The following SPATA18 variants were observed in gnomAD, a reference collection of about 807,000 sequenced individuals.
SPATA18 encodes spermatogenesis associated 18.
SPATA18 carries 54 observed loss-of-function variants against 68.1 expected under a neutral mutation model. The ratio of observed to expected loss-of-function variants is 0.79; its 90% CI spans 0.64 to 0.99. The LOEUF (loss-of-function observed/expected upper bound fraction) is 0.99, where lower values mean the gene tolerates loss of function less well. Among genes scored for constraint, SPATA18 ranks in the 50% least tolerant of loss-of-function variants. The pLI, the probability that SPATA18 is intolerant of heterozygous loss-of-function variation, is 0.00. For synonymous variants in SPATA18, 242 were observed against 244.8 expected, an observed-to-expected ratio of 0.99 and a Z score of 0.11; for missense variants, 724 against 681.1, an observed-to-expected ratio of 1.06 and a Z score of -0.70.
intron 11 of SPATA18, among the ~76,000 whole-genome samples, chr4:52,088,541 A>G (rs1409736572): frequency 2.0e-5 from 3 of 152,236 alleles, no homozygotes; most frequent in African/African-American, 7.2e-5. Flanking sequence ...TAAGATAATC[A>G]TGTGGTTTTT....
At chr4:52,088,538 A>G (rs1455896407) in intron 11 of SPATA18, among the ~76,000 whole-genome samples, 2 of 152,182 alleles carry the variant, frequency 1.3e-5, no homozygotes, top group Admixed American at 1.3e-4. Context: ...TATTAAGATA[A>G]TCATGTGGTT....
intron 10 of SPATA18, chr4:52,082,767 C>A: frequency 7.7e-7 from 1 of 1,298,980 alleles, no homozygotes; most frequent in Non-Finnish European, 9.8e-7. Flanking sequence ...TTTACCTCCT[C>A]CATCTTAGAA....
At position 52,083,257 on chromosome 4, in the gene SPATA18, C is replaced by A. The variant is rs1005042145; in HGVS notation, c.1479+747C>A. ...AAAGAGTTAAATGAAGCCCCTTAGT[C>A]CAGGATGATGCCCACAGCTGGCTGA... On this transcript the variant is annotated intron_variant, in intron 10 of 12. Coordinates refer to ENST00000295213, the MANE Select transcript of SPATA18 (RefSeq NM_145263.4). The A allele has an allele frequency of 1.5e-5, 15 of 985,212 alleles. No homozygotes were observed. In the African/African-American group the frequency reaches 2.4e-4, roughly 16 times the overall value. The allele number at this position is 985,212 out of a possible 1,614,324, so 61.0% of individuals were successfully genotyped here.
At position 52,094,979 on chromosome 4, in the gene SPATA18, C is replaced by T; in HGVS notation, c.*92C>T. The T allele has an allele frequency of 6.7e-7, 1 of 1,490,590 alleles. No homozygotes were observed. The highest frequency in any genetic ancestry group is 9.4e-7 in the Non-Finnish European group (1 of 1,068,292). 92.3% of individuals were successfully genotyped at this position (1,490,590 alleles called of 1,614,324 possible). ...TCTTCTGTGTCTGCCTCAGACCTCA[C>T]TTAAGATAATGTCAAAAGGCAATTC... On this transcript the variant is annotated 3_prime_UTR_variant, in exon 13 of 13. Transcript: ENST00000295213.
At chr4:52,060,360 C>A (rs1738722567) in intron 1 of SPATA18, 59 bp from the exon 2 acceptor site, 2 of 1,435,544 alleles carry the variant, frequency 1.4e-6, no homozygotes, top group South Asian at 2.5e-5. Flanking sequence ...CCTGGTCTGT[C>A]TGCAGTGGGT....
intron 2 of SPATA18, 98 bp downstream of exon 2, chr4:52,060,622 C>A: frequency 7.8e-7 from 1 of 1,277,212 alleles, no homozygotes; most frequent in Non-Finnish European, 1.1e-6. Flanking sequence ...GGTTGGGTTT[C>A]TCTCACTGAC....
At chr4:52,066,146 T>TTTTTTG (rs899320008) in intron 4 of SPATA18, among the ~76,000 whole-genome samples, 4 of 152,252 alleles carry the variant, frequency 2.6e-5, no homozygotes, top group African/African-American at 9.6e-5. Flanking sequence ...GTCATCCTTC[T>TTTTTTG]TTTTTGTTTT....
At chr4:52,085,141 A>AT in intron 11 of SPATA18, 142 bp downstream of exon 11, 1 of 593,508 alleles carries the variant, frequency 1.7e-6, no homozygotes, top group East Asian at 2.8e-5. Flanking sequence ...CTCCAAATTG[A>AT]TTTTTATACT....
At chr4:52,073,679 G>GAGGAACTC (rs1740069251) in intron 6 of SPATA18, among the ~76,000 whole-genome samples, 1 of 152,206 alleles carries the variant, frequency 6.6e-6, no homozygotes, top group Admixed American at 6.5e-5. Flanking sequence ...GCTGAGGCAG[G>GAGGAACTC]AGGAACTCTT....
At chr4:52,060,306 A>G (rs1738714726) in intron 1 of SPATA18, 113 bp from the exon 2 acceptor site, 13 of 757,700 alleles carry the variant, frequency 1.7e-5, no homozygotes, top group Non-Finnish European at 2.6e-5. Flanking sequence ...CAGTCCTGCC[A>G]CAAAAGCATA....
intron 10 of SPATA18, chr4:52,082,725 C>A (rs2109503665): frequency 7.2e-7 from 1 of 1,392,832 alleles, no homozygotes; most frequent in Admixed American, 2.8e-5. Flanking sequence ...TTCTTTACTT[C>A]TTGCTTTATT....
intron 11 of SPATA18, among the ~76,000 whole-genome samples, chr4:52,086,243 G>A (rs1741423723): frequency 6.6e-6 from 1 of 152,134 alleles, no homozygotes; most frequent in Non-Finnish European, 1.5e-5. Flanking sequence ...TGCAGTTGAT[G>A]AAACCCAGCT....
intron 4 of SPATA18, among the ~76,000 whole-genome samples, chr4:52,066,324 GT>G (rs1739309918): frequency 6.6e-6 from 1 of 151,854 alleles, no homozygotes; most frequent in African/African-American, 2.4e-5. Flanking sequence ...CTAATTTTTT[GT>G]ATTTTTAGTA....
intron 4 of SPATA18, among the ~76,000 whole-genome samples, chr4:52,067,441 C>G (rs973999942): frequency 5.3e-5 from 8 of 152,146 alleles, no homozygotes; most frequent in African/African-American, 1.9e-4. Context: ...CATAACACCC[C>G]TCCTGATCTG....
chr4:52,084,250 A>T (rs996632299), intron 10 of SPATA18, among the ~76,000 whole-genome samples: 1 of 152,166 alleles, frequency 6.6e-6, no homozygotes, highest in Non-Finnish European at 1.5e-5. Context: ...TCAAATAGCC[A>T]TTGCCTTTTA....
At chr4:52,094,859 A>C in intron 12 of SPATA18, 21 bp from the exon 13 acceptor site, 22 of 1,613,900 alleles carry the variant, frequency 1.4e-5, no homozygotes, top group Non-Finnish European at 1.9e-5. Flanking sequence ...ATAATAATGA[A>C]CTGTCTATTT....
intron 4 of SPATA18, among the ~76,000 whole-genome samples, chr4:52,066,158 G>GT (rs746115044): frequency 6.6e-5 from 10 of 151,782 alleles, no homozygotes; most frequent in Non-Finnish European, 1.3e-4. Flanking sequence ...TTTTGTTTTT[G>GT]TTTTTGTTTT....
chr4:52,076,742 C>T (rs747976250), intron 6 of SPATA18, 37 bp from the exon 7 acceptor site: 1 of 1,603,074 alleles, frequency 6.2e-7, no homozygotes, highest in Non-Finnish European at 8.5e-7. Context: ...AGAAGCAAAT[C>T]AAAGGATTTC....
intron 4 of SPATA18, among the ~76,000 whole-genome samples, chr4:52,067,735 GAA>G (rs1480888220): frequency 6.6e-6 from 1 of 152,126 alleles, no homozygotes; most frequent in Non-Finnish European, 1.5e-5. Context: ...GCACTTATGA[GAA>G]AAGTTAGAGA....
Sources: allele counts gnomAD v4.1 joint callset (sites outside exome capture counted in the v4.1 genomes callset), GRCh38; gene constraint gnomAD v4.1.1; transcripts MANE v1.5; gene names NCBI Gene and HGNC (gene_info 2026-07-23, HGNC 2026-07-21).